MERTK: variants seen among roughly 807,000 people sequenced by gnomAD.
The protein encoded by MERTK is tyrosine-protein kinase Mer.
Under a neutral mutation model 99.3 loss-of-function variants are expected in MERTK, and 69 were observed. The ratio of observed to expected loss-of-function variants is 0.70; its 90% CI spans 0.57 to 0.85. The LOEUF (loss-of-function observed/expected upper bound fraction) is 0.85. Ranked by LOEUF, MERTK falls within the 40% of genes least tolerant of loss-of-function variation. The pLI is 0.00. For missense variants in MERTK, 1,125 were observed against 1,249.4 expected, an observed-to-expected ratio of 0.90 and a Z score of 1.50; for synonymous variants, 426 against 467.6, an observed-to-expected ratio of 0.91 and a Z score of 1.15.
chr2:111,996,306 C>T (rs10173553), intron 9 of MERTK: 95,249 of 153,960 alleles, frequency 0.62, 29,848 homozygotes, highest in African/African-American at 0.66. Context: ...GCTCTTCAGG[C>T]CACCAACCAT....
intron 7 of MERTK, among the ~76,000 whole-genome samples, chr2:111,976,897 T>C (rs113553354): frequency 3.9e-5 from 6 of 152,128 alleles, no homozygotes; most frequent in Non-Finnish European, 8.8e-5. Flanking sequence ...ATTTAACTTA[T>C]CACAGTGTAC....
intron 4 of MERTK, among the ~76,000 whole-genome samples, chr2:111,948,911 G>T (rs1390288880): frequency 6.6e-6 from 1 of 151,868 alleles, no homozygotes; most frequent in East Asian, 1.9e-4. Context: ...TTTCCCTAGG[G>T]GCTGCGTGTC....
At chr2:112,020,965 G>A (rs1331062504) in intron 16 of MERTK, among the ~76,000 whole-genome samples, 6 of 151,528 alleles carry the variant, frequency 4.0e-5, no homozygotes, top group East Asian at 1.9e-4. Context: ...ATGCCAAGGC[G>A]GGCAGATCAC....
intron 4 of MERTK, among the ~76,000 whole-genome samples, chr2:111,954,924 T>C (rs929606673): frequency 6.6e-6 from 1 of 152,202 alleles, no homozygotes; most frequent in African/African-American, 2.4e-5. Context: ...TAATTAATTT[T>C]TTTTTAATTT....
At chr2:112,001,119 C>G (rs1676859629) in intron 10 of MERTK, 82 bp from the exon 11 acceptor site, 1 of 1,047,184 alleles carries the variant, frequency 9.5e-7, no homozygotes, top group African/African-American at 1.6e-5. Flanking sequence ...AAAGCGGAAG[C>G]TCTGTAGCAT....
chr2:111,969,761 A>G (rs113088206), intron 6 of MERTK, among the ~76,000 whole-genome samples: 35,740 of 144,830 alleles, frequency 0.25, 4,578 homozygotes, highest in South Asian at 0.33. Context: ...GCGCGATCTC[A>G]GCTCACTGCA....
At chr2:111,969,779 C>T (rs1676053150) in intron 6 of MERTK, among the ~76,000 whole-genome samples, 1 of 151,564 alleles carries the variant, frequency 6.6e-6, no homozygotes, top group Non-Finnish European at 1.5e-5. Context: ...GCAAGCTCCA[C>T]CTCCCGGGTT....
chr2:112,023,880 T>G (rs1677410156), intron 18 of MERTK, among the ~76,000 whole-genome samples: 1 of 151,052 alleles, frequency 6.6e-6, no homozygotes, highest in Non-Finnish European at 1.5e-5. Flanking sequence ...GACAGCACCC[T>G]CCCTACACAC....
At chr2:111,948,910 G>A (rs1685007352) in intron 4 of MERTK, among the ~76,000 whole-genome samples, 1 of 151,746 alleles carries the variant, frequency 6.6e-6, no homozygotes. Context: ...CTTTCCCTAG[G>A]GGCTGCGTGT....
chr2:111,938,418 T>C (rs187502416), intron 2 of MERTK, among the ~76,000 whole-genome samples: 1 of 152,234 alleles, frequency 6.6e-6, no homozygotes. Context: ...GGTGGCATCA[T>C]ACAATATTTG....
intron 7 of MERTK, among the ~76,000 whole-genome samples, chr2:111,979,948 GCT>G (rs1174847404): frequency 6.6e-6 from 1 of 152,108 alleles, no homozygotes; most frequent in Non-Finnish European, 1.5e-5. Context: ...GCTAATTTCT[GCT>G]GTCTGCTCCT....
chr2:111,900,175 A>G (rs1265209662), intron 1 of MERTK, among the ~76,000 whole-genome samples: 3 of 152,212 alleles, frequency 2.0e-5, no homozygotes, highest in Admixed American at 6.5e-5. Context: ...ATAGTCAAGT[A>G]AGTTACTTAA....
In MERTK at chr2:111,983,147, A is replaced by G. The variant is rs780526401; in HGVS notation, c.1296+154A>G. Among the ~76,000 whole-genome samples the G allele has an allele frequency of 3.8e-4, 58 of 152,202 alleles. No individual in the cohort carries two copies. The highest frequency in any genetic ancestry group is 6.8e-4 in the Non-Finnish European group (46 of 68,038). On this transcript the variant is annotated intron_variant, in intron 8 of 18. Coordinates refer to ENST00000295408, the MANE Select transcript of MERTK (RefSeq NM_006343.3). ...GGGGAACATAAAGAATATAGTAAAT[A>G]TTAGAGGTGACTGAACAGTTACAAA...
At chr2:112,018,481 T>C (rs1677264031) in intron 15 of MERTK, among the ~76,000 whole-genome samples, 1 of 152,160 alleles carries the variant, frequency 6.6e-6, no homozygotes, top group South Asian at 2.1e-4. Context: ...AATTGACATG[T>C]GTCTTGGAGT....
chr2:111,933,941 A>G (rs985357030), intron 2 of MERTK, among the ~76,000 whole-genome samples: 2 of 143,142 alleles, frequency 1.4e-5, no homozygotes, highest in Non-Finnish European at 3.0e-5. Context: ...TCATTGGTCA[A>G]TTCCCACTGA....
rs1676690074 is a variant in MERTK at position 111,994,299 on chromosome 2, T to C, written c.1345T>C (p.Ser449Pro). The change falls in exon 9 of 19, where the codon TCT becomes CCT. Residue 449 changes from serine (S) to proline (P), a missense_variant. Coordinates refer to ENST00000295408, the MANE Select transcript of MERTK (RefSeq NM_006343.3). ...CCAGAATGGCAGCCGAGCTCGGATC[T>C]CTGTTCAAGTCCACAATGCTACGTG... ...VGQNGSRARI[S>P]VQVHNATCTV... 6.2e-7 allele frequency: 1 copy of C among 1,614,034 alleles called. No individual in the cohort carries two copies. The highest frequency in any genetic ancestry group is 1.3e-5 in the African/African-American group (1 of 74,896).
At chr2:111,971,082 A>G (rs1453741619) in intron 6 of MERTK, among the ~76,000 whole-genome samples, 2 of 152,108 alleles carry the variant, frequency 1.3e-5, no homozygotes, top group Non-Finnish European at 2.9e-5. Flanking sequence ...ATTTCGTCTC[A>G]GTTATCTAAT....
chr2:112,002,083 G>T (rs1676881582), intron 11 of MERTK, among the ~76,000 whole-genome samples: 1 of 151,486 alleles, frequency 6.6e-6, no homozygotes, highest in African/African-American at 2.4e-5. Context: ...ACATTTTTTT[G>T]ATCTTTCAAG....
intron 8 of MERTK, among the ~76,000 whole-genome samples, chr2:111,993,224 A>G (rs1489186464): frequency 1.3e-5 from 2 of 152,086 alleles, no homozygotes; most frequent in Non-Finnish European, 2.9e-5. Context: ...TAAATTTAGA[A>G]ACAGTCTCTG....
Sources: allele counts gnomAD v4.1 joint callset (sites outside exome capture counted in the v4.1 genomes callset), GRCh38; gene constraint gnomAD v4.1.1; transcripts MANE v1.5; gene names NCBI Gene and HGNC (gene_info 2026-07-23, HGNC 2026-07-21).